Variants in UPF3B observed in about 807,000 individuals in gnomAD.
The protein encoded by UPF3B is regulator of nonsense transcripts 3B.
UPF3B carries 7 observed loss-of-function variants against 40.3 expected under a neutral mutation model. The observed-to-expected ratio is 0.17, with a 90% CI of 0.10 to 0.33. The LOEUF is 0.33. UPF3B is among the 10% of genes least tolerant of loss of function. UPF3B has a pLI of 1.00. For synonymous variants in UPF3B, 117 were observed against 117.3 expected, an observed-to-expected ratio of 1.00 and a Z score of 0.01; for missense variants, 229 against 358.9, an observed-to-expected ratio of 0.64 and a Z score of 2.93.
chrX:119,823,556 CTCTT>C (rs1295955752), intron 3 of UPF3B, among the ~76,000 whole-genome samples: 6 of 42,084 alleles, frequency 1.4e-4, no homozygotes, highest in African/African-American at 3.8e-4. Context: ...TCTTTTTTTC[CTCTT>C]TTTTTTTTTT....
chrX:119,831,538 C>T (rs149156349), downstream of UPF3B: 1,021 of 189,386 alleles, frequency 5.4e-3, 7 homozygotes, highest in African/African-American at 0.03. Flanking sequence ...AGGCTGGTCT[C>T]GAAGTCCTGA....
intron 4 of UPF3B, among the ~76,000 whole-genome samples, chrX:119,820,218 A>G (rs1388816984): frequency 8.9e-6 from 1 of 111,936 alleles, no homozygotes; most frequent in African/African-American, 3.2e-5. Context: ...ATCTAGGCTC[A>G]CTACAACCTC....
Position 119,834,886 on chromosome X carries a change from C to G in UPF3B, c.1444G>C (p.Glu482Gln). The G allele has an allele frequency of 8.3e-7, 1 of 1,211,402 alleles. No individual in the cohort carries two copies. The highest frequency in any genetic ancestry group is 1.1e-6 in the Non-Finnish European group (1 of 895,578). The change falls in exon 11 of 11, where the codon GAG (glutamate) becomes CAG (glutamine). Residue 482 changes from glutamate (E) to glutamine (Q), a missense_variant. Physicochemically the swap from Glu to Gln is conservative, Grantham distance 29 (BLOSUM62 2). Transcript: ENST00000276201. ...SGISHRKEGGEE is the reference protein window; with the variant it reads ...SGISHRKEGGQE ...AAGGCCATCTGGACTTATCACTCCTCTCCTCCTTCTTTTCTATGGCTAATA... is the reference window on the plus strand; with the variant it reads ...AAGGCCATCTGGACTTATCACTCCTGTCCTCCTTCTTTTCTATGGCTAATA...
intron 4 of UPF3B, among the ~76,000 whole-genome samples, chrX:119,817,167 C>A (rs1274977904): frequency 9.0e-6 from 1 of 110,686 alleles, no homozygotes; most frequent in Non-Finnish European, 1.9e-5. Flanking sequence ...ATGGGTTTCG[C>A]CATGTTTGCC....
intron 3 of UPF3B, chrX:119,823,151 A>T: frequency 3.7e-6 from 1 of 270,444 alleles, no homozygotes; most frequent in Non-Finnish European, 5.1e-6. Context: ...CCAGTCATTT[A>T]AGACCAAATA....
At chrX:119,819,236 T>C (rs766300232) in intron 4 of UPF3B, among the ~76,000 whole-genome samples, 7 of 109,862 alleles carry the variant, frequency 6.4e-5, no homozygotes, top group South Asian at 7.9e-4. Context: ...GTATTTTTAG[T>C]AGAAACGAGG....
At chrX:119,819,049 C>T (rs1321446159) in intron 4 of UPF3B, among the ~76,000 whole-genome samples, 1 of 98,717 alleles carries the variant, frequency 1.0e-5, no homozygotes, top group Non-Finnish European at 2.1e-5. Context: ...AATAGTAACA[C>T]CAGCTTTTTT....
intron 8 of UPF3B, among the ~76,000 whole-genome samples, chrX:119,838,992 T>C (rs183266303): frequency 1.1e-3 from 119 of 111,530 alleles, no homozygotes; most frequent in Middle Eastern, 9.2e-3. Context: ...ACCCAGGCTG[T>C]TCTCAAACTT....
At chrX:119,846,631 TA>T (rs750265059) in intron 3 of UPF3B, among the ~76,000 whole-genome samples, 10 of 107,976 alleles carry the variant, frequency 9.3e-5, no homozygotes, top group African/African-American at 1.7e-4. Flanking sequence ...TGTTAACACT[TA>T]AAAAAAAATA....
intron 5 of UPF3B, among the ~76,000 whole-genome samples, chrX:119,809,291 T>A (rs142640165): frequency 2.3e-4 from 26 of 111,957 alleles, no homozygotes; most frequent in African/African-American, 7.4e-4. Flanking sequence ...ACTTCCTCCC[T>A]TGACACATAA....
chrX:119,834,340 T>C lies in UPF3B; in HGVS notation c.*538A>G, dbSNP rs1475538451. The C allele has an allele frequency of 4.0e-5, 30 of 756,739 alleles. No homozygotes were observed. In the Admixed American group the frequency reaches 1.3e-3, roughly 33 times the overall value. 62.4% of individuals were successfully genotyped at this position (756,739 alleles called of 1,213,427 possible). ...ACTGGATACAGAAGTAACATAACTA[T>C]TTAAATTTTTGTATCAACGAAAGTG... On this transcript the variant is annotated 3_prime_UTR_variant, in exon 11 of 11. Transcript: ENST00000276201.
At chrX:119,814,200 T>C (rs761707845) in intron 5 of UPF3B, among the ~76,000 whole-genome samples, 158 of 111,597 alleles carry the variant, frequency 1.4e-3, no homozygotes, top group African/African-American at 4.8e-3. Context: ...ATCGGTGCAG[T>C]TTCCTTCCTG....
At chrX:119,845,859 T>G (rs2056221554) in intron 3 of UPF3B, among the ~76,000 whole-genome samples, 2 of 111,378 alleles carry the variant, frequency 1.8e-5, no homozygotes, top group Admixed American at 1.9e-4. Context: ...AAGCTGTTAT[T>G]TTTTAAAAGT....
chrX:119,821,807 A>C (rs1249192955), intron 4 of UPF3B, among the ~76,000 whole-genome samples: 1 of 110,650 alleles, frequency 9.0e-6, no homozygotes, highest in African/African-American at 3.3e-5. Context: ...CAAAAAAAAA[A>C]CAAAAAAAAC....
chrX:119,828,457 A>C (rs2056003421), intron 3 of UPF3B, among the ~76,000 whole-genome samples: 1 of 111,358 alleles, frequency 9.0e-6, no homozygotes, highest in Non-Finnish European at 1.9e-5. Context: ...AGATTGCTTG[A>C]TCCCAGGAGT....
chrX:119,825,121 A>G (rs2428208), intron 3 of UPF3B, among the ~76,000 whole-genome samples: 5,983 of 111,292 alleles, frequency 0.054, 348 homozygotes, highest in African/African-American at 0.18. Flanking sequence ...GGTAGAAAGA[A>G]ATACCCGAGT....
At chrX:119,844,444 TATA>T (rs1232154986) in intron 4 of UPF3B, among the ~76,000 whole-genome samples, 1 of 111,819 alleles carries the variant, frequency 8.9e-6, no homozygotes, top group Non-Finnish European at 1.9e-5. Flanking sequence ...TCAGCTACTT[TATA>T]CAAAGTTACC....
rs1005629418 is a variant in UPF3B at position 119,841,107 on chromosome X, C to T, written c.776G>A (p.Arg259Lys). 7 of 1,207,278 alleles carry T rather than the reference C, an allele frequency of 5.8e-6. No homozygotes were observed. In the African/African-American group the frequency reaches 1.2e-4, roughly 21 times the overall value. Reference protein sequence around the residue: ...KLKKIDRIPERDKLKDEPKIK... With the variant: ...KLKKIDRIPEKDKLKDEPKIK... ...CTTTGGTTCATCCTTTAATTTGTCCCTTTCTGGAATTCTGTCTATCTTCTT... is the reference window on the plus strand; with the variant it reads ...CTTTGGTTCATCCTTTAATTTGTCCTTTTCTGGAATTCTGTCTATCTTCTT... Residue 259 changes from arginine (R) to lysine (K), a missense_variant, in exon 7 of 11, where the codon AGG becomes AAG. Arg to Lys is a conservative substitution (Grantham distance 26). Around this residue, in one of 3 missense-constraint regions of UPF3B, gnomAD observed 87 missense variants for 184.2 expected, o/e 0.47. Coordinates refer to ENST00000276201, the MANE Select transcript of UPF3B (RefSeq NM_080632.3).
downstream of UPF3B, among the ~76,000 whole-genome samples, chrX:119,832,229 G>T (rs892398566): frequency 4.5e-5 from 5 of 111,027 alleles, no homozygotes; most frequent in African/African-American, 1.6e-4. Flanking sequence ...TAAATGCTAG[G>T]ATTACCTGTA....
Sources: gnomAD v4.1 joint callset for allele counts (sites outside exome capture counted in the v4.1 genomes callset) on GRCh38, gnomAD v4.1.1 for gene constraint, gnomAD v4.1.1 regional missense constraint, MANE v1.5 for transcripts, NCBI Gene and HGNC (gene_info 2026-07-23, HGNC 2026-07-21) for gene names.